KLRG1: variants seen among roughly 807,000 people sequenced by gnomAD.
KLRG1 encodes the protein killer cell lectin-like receptor subfamily G member 1.
KLRG1 carries 16 observed loss-of-function variants against 21.8 expected under a neutral mutation model. That is an observed-to-expected ratio of 0.73 (90% CI 0.50 to 1.11). The LOEUF is 1.11. KLRG1 is among the 50% of genes most tolerant of loss of function. The pLI is 0.00. For synonymous variants in KLRG1, 69 were observed against 75.9 expected, an observed-to-expected ratio of 0.91 and a Z score of 0.47; for missense variants, 173 against 218.3, an observed-to-expected ratio of 0.79 and a Z score of 1.31.
intron 3 of KLRG1, among the ~76,000 whole-genome samples, chr12:9,005,301 A>G (rs770685672): frequency 3.0e-4 from 45 of 152,312 alleles, no homozygotes; most frequent in East Asian, 7.7e-4. Flanking sequence ...GTGTATACCT[A>G]TGTAACAAAA....
chr12:9,194,189 A>G, the KLRG1 span: 1 of 1,613,998 alleles, frequency 6.2e-7, no homozygotes, highest in African/African-American at 1.3e-5. Context: ...CACAGAGATG[A>G]AGAAGAGTTT....
chr12:9,011,509 T>A (rs1592286571), downstream of KLRG1, among the ~76,000 whole-genome samples: 2 of 152,266 alleles, frequency 1.3e-5, no homozygotes, highest in South Asian at 4.1e-4. Flanking sequence ...TTAAAGATAA[T>A]AACAGAGCAG....
the KLRG1 span, chr12:9,109,772 G>T: frequency 8.0e-7 from 1 of 1,252,244 alleles, no homozygotes; most frequent in Non-Finnish European, 1.1e-6. Context: ...TGTCACCCAT[G>T]GGAAATGGAA....
At chr12:8,974,765 T>C (rs1010996556) in intron 1 of KLRG1, among the ~76,000 whole-genome samples, 20 of 152,184 alleles carry the variant, frequency 1.3e-4, no homozygotes, top group African/African-American at 4.6e-4. Context: ...TGTTATTTGG[T>C]TTACGGGTAT....
the KLRG1 span, chr12:9,170,026 C>G: frequency 1.3e-5 from 2 of 152,868 alleles, no homozygotes; most frequent in South Asian, 4.1e-4. The surrounding 1 kb of genome is among the most constrained non-coding windows in gnomAD (Gnocchi z 4.6). Flanking sequence ...CCATTAGAAG[C>G]AGCTGCGGTC....
chr12:9,207,720 T>C, the KLRG1 span, among the ~76,000 whole-genome samples: 1 of 152,186 alleles, frequency 6.6e-6, no homozygotes, highest in African/African-American at 2.4e-5. Flanking sequence ...CACAGTTCTC[T>C]AGACACTATA....
At chr12:9,152,901 A>C in the KLRG1 span, 1 of 1,614,162 alleles carries the variant, frequency 6.2e-7, no homozygotes, top group East Asian at 2.2e-5. Context: ...GCACTTTTAA[A>C]GCAAATGGGG....
At chr12:9,142,644 C>T in the KLRG1 span, among the ~76,000 whole-genome samples, 1 of 152,178 alleles carries the variant, frequency 6.6e-6, no homozygotes, top group Non-Finnish European at 1.5e-5. Flanking sequence ...TATATAGCCA[C>T]ACAGACAACC....
chr12:9,096,002 A>T, the KLRG1 span, among the ~76,000 whole-genome samples: 1 of 146,526 alleles, frequency 6.8e-6, no homozygotes, highest in African/African-American at 2.5e-5. Context: ...CTCATGATCC[A>T]CCCGCCTCGG....
chr12:9,198,170 A>G, the KLRG1 span, among the ~76,000 whole-genome samples: 1 of 151,214 alleles, frequency 6.6e-6, no homozygotes, highest in African/African-American at 2.4e-5. Context: ...GTAACATAGC[A>G]GGACCCAATC....
chr12:9,049,147 G>C, the KLRG1 span, among the ~76,000 whole-genome samples: 1 of 152,172 alleles, frequency 6.6e-6, no homozygotes, highest in Non-Finnish European at 1.5e-5. Flanking sequence ...TCTAGTTTCT[G>C]GTACTCTCTG....
chr12:9,193,421 A>G, the KLRG1 span, among the ~76,000 whole-genome samples: 185 of 152,278 alleles, frequency 1.2e-3, no homozygotes, highest in Middle Eastern at 0.014. Flanking sequence ...CATACTAATA[A>G]TTTACAGATC....
At chr12:9,088,417 A>G in the KLRG1 span, among the ~76,000 whole-genome samples, 1 of 152,320 alleles carries the variant, frequency 6.6e-6, no homozygotes, top group African/African-American at 2.4e-5. Context: ...TCATGATAAA[A>G]GGATTGAATG....
At chr12:8,991,107 A>G (rs1483747594) in intron 1 of KLRG1, among the ~76,000 whole-genome samples, 1 of 152,148 alleles carries the variant, frequency 6.6e-6, no homozygotes, top group African/African-American at 2.4e-5. Flanking sequence ...GGCAAGTTTA[A>G]TTTCCTAATT....
At chr12:9,027,822 A>G in the KLRG1 span, 2 of 1,172,456 alleles carry the variant, frequency 1.7e-6, no homozygotes, top group Admixed American at 1.7e-5. Context: ...CACCATGACC[A>G]TGAAGTTTTC....
At chr12:9,181,213 C>A in the KLRG1 span, 1 of 1,566,870 alleles carries the variant, frequency 6.4e-7, no homozygotes, top group South Asian at 1.1e-5. Context: ...CTAAGCCACC[C>A]TTATATTCAG....
chr12:9,089,337 A>G, the KLRG1 span: 6 of 954,542 alleles, frequency 6.3e-6, no homozygotes, highest in Non-Finnish European at 9.9e-6. Flanking sequence ...ATATTTGGAT[A>G]GTGAAGAGAA....
At chr12:9,201,959 T>C in the KLRG1 span, among the ~76,000 whole-genome samples, 1 of 152,188 alleles carries the variant, frequency 6.6e-6, no homozygotes, top group African/African-American at 2.4e-5. Context: ...CTATTGTATA[T>C]ACCTATATAT....
the KLRG1 span, among the ~76,000 whole-genome samples, chr12:9,171,066 G>C: frequency 6.6e-6 from 1 of 152,200 alleles, no homozygotes; most frequent in Admixed American, 6.5e-5. Flanking sequence ...CTCCCAATGA[G>C]GGTCTCCAGC....
Sources: allele counts gnomAD v4.1 joint callset (sites outside exome capture counted in the v4.1 genomes callset), GRCh38; gene constraint gnomAD v4.1.1; non-coding constraint Gnocchi (gnomAD v3.1); transcripts MANE v1.5; gene names NCBI Gene and HGNC (gene_info 2026-07-23, HGNC 2026-07-21).